RPH3A: variants seen among roughly 807,000 people sequenced by gnomAD.
RPH3A encodes rabphilin-3A.
In RPH3A, 48 loss-of-function variants were observed where a neutral mutation model predicts 102.2. The observed-to-expected ratio is 0.47, with a 90% CI of 0.37 to 0.60. RPH3A has a LOEUF of 0.60. Among genes scored for constraint, RPH3A ranks in the 20% least tolerant of loss-of-function variants. The pLI, the probability that RPH3A is intolerant of heterozygous loss-of-function variation, is 0.00. For missense variants in RPH3A, 781 were observed against 910.1 expected (o/e 0.86, Z 1.83); for synonymous variants, 310 against 324.3 (o/e 0.96, Z 0.47).
At chr12:112,670,064 G>A (rs971387783) in intron 1 of RPH3A, among the ~76,000 whole-genome samples, 4 of 152,184 alleles carry the variant, frequency 2.6e-5, no homozygotes, top group African/African-American at 9.7e-5. Context: ...TTCAGAAATA[G>A]TATTGATGGA....
At chr12:112,854,107 T>G (rs1256572836) in intron 5 of RPH3A, among the ~76,000 whole-genome samples, 2 of 152,204 alleles carry the variant, frequency 1.3e-5, no homozygotes, top group Admixed American at 6.5e-5. Context: ...GATAATTCTT[T>G]GTGTGGGGGC....
intron 1 of RPH3A, among the ~76,000 whole-genome samples, chr12:112,715,145 T>G (rs1455344412): frequency 6.6e-6 from 1 of 152,238 alleles, no homozygotes; most frequent in Non-Finnish European, 1.5e-5. Context: ...TTTCTGAATT[T>G]CAAGCATATG....
intron 4 of RPH3A, among the ~76,000 whole-genome samples, chr12:112,845,853 A>T (rs1016069731): frequency 1.3e-5 from 2 of 152,214 alleles, no homozygotes; most frequent in Non-Finnish European, 2.9e-5. Flanking sequence ...TCAGCTAGAG[A>T]TGGGTGCAAT....
intron 1 of RPH3A, among the ~76,000 whole-genome samples, chr12:112,639,009 T>C (rs1399083984): frequency 6.6e-6 from 1 of 152,184 alleles, no homozygotes; most frequent in Admixed American, 6.5e-5. Flanking sequence ...TCATAGCCTA[T>C]GTGACAGATC....
chr12:112,577,477 G>C (rs1036829268), intron 1 of RPH3A, among the ~76,000 whole-genome samples: 2 of 152,166 alleles, frequency 1.3e-5, no homozygotes, highest in Non-Finnish European at 2.9e-5. Flanking sequence ...GGTCACTTTG[G>C]TTGCCATCTT....
At position 112,818,232 on chromosome 12, in the gene RPH3A, A is replaced by G. The variant is rs140175241; in HGVS notation, c.-18-10069A>G. Among the ~76,000 whole-genome samples, 288 of 150,992 alleles carry G rather than the reference A, an allele frequency of 1.9e-3. 2 individuals are homozygous for G. The highest frequency in any genetic ancestry group is 6.3e-3 in the African/African-American group (258 of 41,104). On this transcript the variant is annotated intron_variant, in intron 2 of 21. Transcript: ENST00000389385. ...GGAGAATGGCGAGAATCCGGGAGGC[A>G]GAGCTTCAGTGAGCCGAGATCGCGC...
intron 1 of RPH3A, among the ~76,000 whole-genome samples, chr12:112,667,664 GA>G (rs1187616509): frequency 0.016 from 38 of 2,332 alleles, no homozygotes; most frequent in African/African-American, 0.086. Context: ...GATGAATAAA[GA>G]GAGAGAGAGA....
intron 1 of RPH3A, among the ~76,000 whole-genome samples, chr12:112,776,550 TGAGA>T (rs1200773661): frequency 1.3e-5 from 2 of 150,688 alleles, no homozygotes; most frequent in East Asian, 1.9e-4. Flanking sequence ...GAGGCAGGGA[TGAGA>T]GAGAGAGAGA....
chr12:112,712,963 CTTT>C (rs2040480595), intron 1 of RPH3A, among the ~76,000 whole-genome samples: 1 of 77,948 alleles, frequency 1.3e-5, no homozygotes, highest in Admixed American at 1.6e-4. Flanking sequence ...TCTTCTTCTT[CTTT>C]CTTCTTCTTT....
chr12:112,754,681 C>T (rs984524145), intron 1 of RPH3A, among the ~76,000 whole-genome samples: 5 of 152,160 alleles, frequency 3.3e-5, no homozygotes, highest in African/African-American at 1.2e-4. Context: ...AATCTAATTA[C>T]CCAAGGAAAG....
intron 1 of RPH3A, among the ~76,000 whole-genome samples, chr12:112,762,050 G>C (rs1027865430): frequency 1.1e-4 from 17 of 152,236 alleles, no homozygotes; most frequent in South Asian, 2.1e-4. Context: ...ACTTCATAGA[G>C]AGATGTGTGG....
At chr12:112,768,107 G>T (rs770133774) in intron 1 of RPH3A, among the ~76,000 whole-genome samples, 9 of 152,126 alleles carry the variant, frequency 5.9e-5, no homozygotes, top group Non-Finnish European at 1.0e-4. Flanking sequence ...TGAATGTTAT[G>T]GTTTGTGAAT....
At chr12:112,807,135 G>C (rs1284152038) in intron 2 of RPH3A, among the ~76,000 whole-genome samples, 1 of 151,972 alleles carries the variant, frequency 6.6e-6, no homozygotes, top group East Asian at 1.9e-4. Flanking sequence ...CAAGCAATTT[G>C]TCTTGATTCT....
chr12:112,725,299 G>A (rs1162989755), intron 1 of RPH3A, among the ~76,000 whole-genome samples: 1 of 143,660 alleles, frequency 7.0e-6, no homozygotes, highest in Non-Finnish European at 1.5e-5. Flanking sequence ...ATGAATAAAT[G>A]CATCTTCTGC....
rs757433178 is a variant in RPH3A at position 112,896,766 on chromosome 12, G to C, written c.2071G>C (p.Val691Leu). 1 of 1,613,946 alleles carries C rather than the reference G, an allele frequency of 6.2e-7. No homozygotes were observed. The highest frequency in any genetic ancestry group is 1.3e-5 in the African/African-American group (1 of 74,896). The change falls in exon 22 of 22, where the codon GTG becomes CTG. Residue 691 changes from valine (V) to leucine (L), a missense_variant. Val to Leu is a conservative substitution (Grantham distance 32). Coordinates refer to ENST00000389385, the MANE Select transcript of RPH3A (RefSeq NM_001143854.2). ...GCACCAGCTACAGAATGAGAACCAC[G>C]TGTCAAGTGATTAGGCTAGTGCCCA... ...RWHQLQNENHVSSD is the reference protein window; with the variant it reads ...RWHQLQNENHLSSD
intron 8 of RPH3A, chr12:112,869,517 G>C (rs559894056): frequency 4.0e-6 from 2 of 496,644 alleles, no homozygotes; most frequent in Non-Finnish European, 7.1e-6. Context: ...GGCTGAGAAG[G>C]CTGTATAGCA....
chr12:112,752,493 T>A (rs1251988533), intron 1 of RPH3A, among the ~76,000 whole-genome samples: 1 of 152,186 alleles, frequency 6.6e-6, no homozygotes, highest in Non-Finnish European at 1.5e-5. Context: ...AATACGTATC[T>A]CTTGTATGTC....
intron 1 of RPH3A, among the ~76,000 whole-genome samples, chr12:112,740,343 G>A (rs992839091): frequency 5.9e-5 from 9 of 152,142 alleles, no homozygotes; most frequent in African/African-American, 2.2e-4. Context: ...TCTATAGTTA[G>A]CCAGAGAGCT....
rs116062430 is a variant in RPH3A at position 112,682,151 on chromosome 12, T to C, written c.-140+106832T>C. 6.9e-3 allele frequency among the ~76,000 whole-genome samples: 1,048 copies of C among 152,250 alleles called. 14 individuals carry two copies. The highest frequency in any genetic ancestry group is 0.024 in the African/African-American group (982 of 41,550). ...AGAACTGATAGTGTATATATAGATA[T>C]ATAAGAGGGGATTTATTATGGGAAC... On this transcript the variant is annotated intron_variant, in intron 1 of 21. Coordinates refer to the RPH3A transcript ENST00000543106.
Sources: allele counts gnomAD v4.1 joint callset (sites outside exome capture counted in the v4.1 genomes callset), GRCh38; gene constraint gnomAD v4.1.1; transcripts MANE v1.5; gene names NCBI Gene and HGNC (gene_info 2026-07-23, HGNC 2026-07-21).